ROS1: variants seen among roughly 807,000 people sequenced by gnomAD.
ROS1 encodes the protein ROS proto-oncogene 1, receptor tyrosine kinase.
A neutral mutation model predicts 273.5 loss-of-function variants in ROS1; 263 were observed. The observed-to-expected ratio is 0.96, with a 90% CI of 0.87 to 1.06. ROS1 has a LOEUF of 1.06. ROS1 is among the 50% of genes least tolerant of loss of function. The pLI, the probability that ROS1 is intolerant of heterozygous loss-of-function variation, is 0.00. For missense variants in ROS1, 2,833 were observed against 2,751.1 expected, an observed-to-expected ratio of 1.03 and a Z score of -0.67; for synonymous variants, 1,008 against 954.1, an observed-to-expected ratio of 1.06 and a Z score of -1.04.
rs1776592872 is a variant in ROS1, at chr6:117,325,885, G to A, written c.5539+339C>T. ...ATGTATAATGTAGGAGTGGTCATAA[G>A]GCTGGTATAATGTGAATAGAATTAT... On this transcript the variant is annotated intron_variant, in intron 34 of 43. Transcript: ENST00000368507. Among the ~76,000 whole-genome samples the A allele has an allele frequency of 2.0e-5, 3 of 151,884 alleles. No homozygotes were observed. In the South Asian group the frequency reaches 6.2e-4, roughly 32 times the overall value.
chr6:117,415,775 C>T (rs1221592142), intron 3 of ROS1, among the ~76,000 whole-genome samples: 1 of 152,078 alleles, frequency 6.6e-6, no homozygotes, highest in Non-Finnish European at 1.5e-5. Context: ...AAACTTTGAA[C>T]ATGACCTACG....
rs1282288143 is a variant in ROS1 at position 117,308,793 on chromosome 6, C to G, written c.6551+1G>C. 1.2e-6 allele frequency: 2 copies of G among 1,611,920 alleles called. No homozygotes were observed. The highest frequency in any genetic ancestry group is 1.7e-6 in the Non-Finnish European group (2 of 1,179,098). On this transcript the variant is annotated splice_donor_variant, in intron 42 of 43. Coordinates refer to ENST00000368507, the MANE Select transcript of ROS1 (RefSeq NM_001378902.1). LOFTEE classifies it high-confidence loss of function. ...TACATATGTTAACATAATTAACTTA[C>G]AGATCATCAGGACAATTTCTTGGTG...
chr6:117,402,035 C>T lies in ROS1; in HGVS notation c.604+1104G>A, dbSNP rs150871776. ...TTCCTCCCACACCCCAGAGTTCATT[C>T]TCCATACAGCAGCCAGTTTTCCTTT... On this transcript the variant is annotated intron_variant, in intron 7 of 43. Transcript: ENST00000368507. Among the ~76,000 whole-genome samples the T allele has an allele frequency of 4.7e-3, 716 of 152,288 alleles. 12 individuals are homozygous for T. Among genetic ancestry groups the T allele is most frequent in the African/African-American group, 0.017 (694 of 41,552 alleles).
chr6:117,301,155 G>GA lies in ROS1; in HGVS notation c.6552-19dup. 1 of 1,564,848 alleles carries GA rather than the reference G, an allele frequency of 6.4e-7. No individual in the cohort carries two copies. On this transcript the variant is annotated intron_variant, in intron 42 of 43. Coordinates refer to ENST00000368507, the MANE Select transcript of ROS1 (RefSeq NM_001378902.1). ...AATTCCACCTAAATATATGGGGAAA[G>GA]ATGGGAAAGTAAATAGCAATTGGAT...
rs202010415 is a variant in ROS1, at chr6:117,362,750, C to T, written c.3219G>A (p.Val1073=). ...RWNKPKHENG[V]LTKFEIFYNI... ...TGTAGAAAATTTCAAATTTTGTTAA[C>T]ACCCCATTTTCATGCTTAGGTTTGT... The change falls in exon 22 of 44, where the codon GTG becomes GTA. Residue 1073 remains valine, a synonymous_variant. Transcript: ENST00000368507. 1 of 1,613,714 alleles carries T rather than the reference C, an allele frequency of 6.2e-7. No homozygotes were observed. The highest frequency in any genetic ancestry group is 1.7e-5 in the Admixed American group (1 of 59,992).
At chr6:117,387,506 T>C (rs1014287348) in intron 14 of ROS1, among the ~76,000 whole-genome samples, 2 of 152,162 alleles carry the variant, frequency 1.3e-5, no homozygotes, top group South Asian at 2.1e-4. Context: ...AAGAAACCCG[T>C]AAAGAATCAA....
intron 22 of ROS1, among the ~76,000 whole-genome samples, chr6:117,360,940 CT>C (rs1330297022): frequency 6.6e-6 from 1 of 152,068 alleles, no homozygotes; most frequent in East Asian, 1.9e-4. Context: ...AATTTCCAGA[CT>C]TTTTAGAAAG....
chr6:117,304,568 A>G (rs1423935971), intron 42 of ROS1, among the ~76,000 whole-genome samples: 1 of 152,206 alleles, frequency 6.6e-6, no homozygotes, highest in East Asian at 1.9e-4. Context: ...TGAACAGTTC[A>G]TAAGTTTTAA....
rs769123439 is a variant in ROS1, at chr6:117,383,395, G to C, written c.2403C>G (p.Leu801=). The change falls in exon 17 of 44, where the codon CTC becomes CTG. Residue 801 remains leucine (L), a synonymous_variant. Coordinates refer to ENST00000368507, the MANE Select transcript of ROS1 (RefSeq NM_001378902.1). ...SVGGYLYWTT[L]YSVESTRLNG... ...TTAGTCTGGTGCTTTCCACTGAATA[G>C]AGTGTGGTCCAGTAGAGATATCCAC... is the stretch of plus-strand genomic sequence containing the variant. The C allele has an allele frequency of 1.9e-6, 3 of 1,613,880 alleles. No homozygotes were observed.
At position 117,394,401 on chromosome 6, in the gene ROS1, A is replaced by G. The variant is rs978002628; in HGVS notation, c.1007-55T>C. On this transcript the variant is annotated intron_variant, in intron 10 of 43. Transcript: ENST00000368507. ...TATTATATAACAACCAGGACAAAAA[A>G]CTTGTATGAATGAGAATTTATTTAT... The G allele has an allele frequency of 3.2e-6, 4 of 1,237,496 alleles. No homozygotes were observed. The African/African-American group carries it at 6.3e-5, about 19-fold the overall frequency. 76.7% of individuals were successfully genotyped at this position (1,237,496 alleles called of 1,614,324 possible). A position where few individuals can be genotyped will look rare whatever the true frequency, so the allele number is the denominator to read the frequency against.
intron 16 of ROS1, 41 bp downstream of exon 16, chr6:117,385,638 ATAAG>A (rs1562345585): frequency 6.4e-7 from 1 of 1,563,432 alleles, no homozygotes; most frequent in Admixed American, 1.8e-5. Context: ...ACTGAAGTGG[ATAAG>A]TATCATTCTA....
At chr6:117,313,585 AG>A (rs1300197770) in intron 39 of ROS1, among the ~76,000 whole-genome samples, 7 of 151,946 alleles carry the variant, frequency 4.6e-5, no homozygotes, top group African/African-American at 1.7e-4. Flanking sequence ...AAAAAAAAAA[AG>A]TTAAAAGGAG....
chr6:117,306,855 T>G (rs1282398595), intron 42 of ROS1, among the ~76,000 whole-genome samples: 1 of 152,190 alleles, frequency 6.6e-6, no homozygotes, highest in African/African-American at 2.4e-5. Context: ...TTTTCCTGGT[T>G]GGCAACGGAT....
At chr6:117,311,228 T>A in intron 39 of ROS1, 111 bp from the exon 40 acceptor site, 1 of 499,650 alleles carries the variant, frequency 2.0e-6, no homozygotes, top group Non-Finnish European at 3.5e-6. Flanking sequence ...TGTATGTATC[T>A]GATGTTTTAA....
chr6:117,414,579 T>C, intron 3 of ROS1, 34 bp from the exon 4 acceptor site: 1 of 723,896 alleles, frequency 1.4e-6, no homozygotes, highest in Admixed American at 2.4e-5. Context: ...ACTTAAAATC[T>C]TGAAAGTTGT....
At chr6:117,321,184 G>A (rs2128562869) in intron 36 of ROS1, 75 bp downstream of exon 36, 1 of 1,494,262 alleles carries the variant, frequency 6.7e-7, no homozygotes, top group Non-Finnish European at 9.0e-7. Flanking sequence ...GGGCAATGCG[G>A]AATTCATAGG....
intron 39 of ROS1, among the ~76,000 whole-genome samples, chr6:117,316,835 A>G (rs985820651): frequency 6.6e-6 from 1 of 152,112 alleles, no homozygotes; most frequent in Non-Finnish European, 1.5e-5. Context: ...CATATAGATT[A>G]AGTACAGAGA....
intron 13 of ROS1, among the ~76,000 whole-genome samples, chr6:117,388,599 T>G (rs540959187): frequency 1.2e-4 from 18 of 152,318 alleles, no homozygotes; most frequent in African/African-American, 4.1e-4. Context: ...CCACAGTTAT[T>G]CATTTACATA....
At chr6:117,372,461 T>C (rs1311094326) in intron 18 of ROS1, among the ~76,000 whole-genome samples, 1 of 152,194 alleles carries the variant, frequency 6.6e-6, no homozygotes, top group African/African-American at 2.4e-5. Context: ...GGTGGGTTCT[T>C]TTTCTGACTG....
Sources: gnomAD v4.1 joint callset for allele counts (sites outside exome capture counted in the v4.1 genomes callset) on GRCh38, gnomAD v4.1.1 for gene constraint, MANE v1.5 for transcripts, NCBI Gene and HGNC (gene_info 2026-07-23, HGNC 2026-07-21) for gene names.